RALGAPB: variants seen among roughly 807,000 people sequenced by gnomAD.
The protein encoded by RALGAPB is ral GTPase-activating protein subunit beta.
RALGAPB carries 25 observed loss-of-function variants against 161.1 expected under a neutral mutation model. That is an observed-to-expected ratio of 0.16 (90% CI 0.11 to 0.22). The LOEUF (loss-of-function observed/expected upper bound fraction) is 0.22, where lower values mean the gene tolerates loss of function less well. Among genes scored for constraint, RALGAPB ranks in the 10% least tolerant of loss-of-function variants. The pLI, the probability that RALGAPB is intolerant of heterozygous loss-of-function variation, is 1.00. For synonymous variants in RALGAPB, 629 were observed against 626.1 expected, an observed-to-expected ratio of 1.00 and a Z score of -0.07; for missense variants, 1,391 against 1,815.2, an observed-to-expected ratio of 0.77 and a Z score of 4.25.
chr20:38,479,229 T>G (rs1022678203), intron 1 of RALGAPB, among the ~76,000 whole-genome samples: 2 of 152,250 alleles, frequency 1.3e-5, no homozygotes, highest in Non-Finnish European at 2.9e-5. Flanking sequence ...TAGGACAAAT[T>G]TGACATGTAG....
At chr20:38,530,666 G>A (rs770192625) in intron 13 of RALGAPB, among the ~76,000 whole-genome samples, 15 of 149,044 alleles carry the variant, frequency 1.0e-4, no homozygotes, top group Admixed American at 2.0e-4. Flanking sequence ...GTGCAATTTC[G>A]GCTCACTGCA....
chr20:38,529,493 G>C (rs1193369433), intron 13 of RALGAPB, among the ~76,000 whole-genome samples: 1 of 151,254 alleles, frequency 6.6e-6, no homozygotes, highest in Non-Finnish European at 1.5e-5. Context: ...CTGCAGCCTG[G>C]GCAATAAGAG....
intron 16 of RALGAPB, among the ~76,000 whole-genome samples, chr20:38,536,653 G>A (rs1044913082): frequency 4.6e-5 from 7 of 152,112 alleles, no homozygotes; most frequent in Non-Finnish European, 1.0e-4. Context: ...AGTAAGATGA[G>A]CAGGATTATC....
chr20:38,565,955 A>G (rs2087981498), intron 25 of RALGAPB, among the ~76,000 whole-genome samples: 1 of 152,168 alleles, frequency 6.6e-6, no homozygotes, highest in Non-Finnish European at 1.5e-5. Context: ...AAGACTTTTT[A>G]AGAATTGGGA....
intron 26 of RALGAPB, chr20:38,569,685 G>A: frequency 2.1e-6 from 1 of 477,548 alleles, no homozygotes; most frequent in Non-Finnish European, 3.8e-6. Context: ...ACAATTTTAA[G>A]CCTTGTCCTA....
chr20:38,516,935 A>T (rs1323746267), intron 7 of RALGAPB, among the ~76,000 whole-genome samples: 1 of 152,216 alleles, frequency 6.6e-6, no homozygotes, highest in Admixed American at 6.5e-5. Flanking sequence ...ATACTTATTA[A>T]TGTACAGTTA....
At chr20:38,552,140 A>T (rs1381329411) in intron 21 of RALGAPB, among the ~76,000 whole-genome samples, 1 of 144,862 alleles carries the variant, frequency 6.9e-6, no homozygotes, top group Non-Finnish European at 1.5e-5. Context: ...GAAAAGGCTG[A>T]TTTTTTTTTT....
At chr20:38,543,075 C>G (rs1368665082) in intron 18 of RALGAPB, among the ~76,000 whole-genome samples, 4 of 152,128 alleles carry the variant, frequency 2.6e-5, no homozygotes, top group African/African-American at 7.2e-5. Context: ...TCTTGGGATG[C>G]TTCTTCTCAA....
In RALGAPB at chr20:38,486,684, G is replaced by C. The variant is rs570505305; in HGVS notation, c.-30-1719G>C. On this transcript the variant is annotated intron_variant, in intron 1 of 29. Coordinates refer to ENST00000262879, the MANE Select transcript of RALGAPB (RefSeq NM_020336.4). ...CCAATAATATGCTGTGATGGATCCT[G>C]AATATTAAATATTCATTTAGTATTT... is the stretch of plus-strand genomic sequence containing the variant. Among the ~76,000 whole-genome samples the C allele has an allele frequency of 2.0e-5, 3 of 152,090 alleles. No homozygotes were observed. In the South Asian group the frequency reaches 6.2e-4, roughly 32 times the overall value.
At chr20:38,490,120 C>T (rs1006414003) in intron 2 of RALGAPB, among the ~76,000 whole-genome samples, 1 of 151,918 alleles carries the variant, frequency 6.6e-6, no homozygotes, top group African/African-American at 2.4e-5. Context: ...AGCGATTCTT[C>T]TGCCTCAGCC....
intron 7 of RALGAPB, 63 bp downstream of exon 7, chr20:38,516,433 C>G: frequency 7.3e-7 from 1 of 1,369,420 alleles, no homozygotes; most frequent in South Asian, 1.7e-5. Flanking sequence ...TAGAGGCTAA[C>G]CCTAGGAGTT....
chr20:38,513,484 G>C (rs1158461270), intron 6 of RALGAPB, among the ~76,000 whole-genome samples: 2 of 150,552 alleles, frequency 1.3e-5, no homozygotes, highest in Admixed American at 6.6e-5. Flanking sequence ...TGGGGGGTGG[G>C]GGGGAAGCAA....
chr20:38,572,158 A>T (rs1479143788), intron 28 of RALGAPB, among the ~76,000 whole-genome samples: 2 of 152,198 alleles, frequency 1.3e-5, no homozygotes. Flanking sequence ...AAATATCCTA[A>T]ATCATATGAG....
In RALGAPB at chr20:38,532,794, G is replaced by C; in HGVS notation, c.2180G>C (p.Gly727Ala). The C allele has an allele frequency of 6.2e-7, 1 of 1,614,100 alleles. No homozygotes were observed. The highest frequency in any genetic ancestry group is 8.5e-7 in the Non-Finnish European group (1 of 1,179,944). ...AATAGTGGTATTAGTTCAGCAAGTG[G>C]TGGAAGCACGGAGCCCACGACTCCC... Reference protein sequence around the residue: ...RTNSGISSASGGSTEPTTPDS... With the variant: ...RTNSGISSASAGSTEPTTPDS... The change falls in exon 15 of 30, where the codon GGT becomes GCT. Residue 727 changes from glycine to alanine, a missense_variant. Coordinates refer to ENST00000262879, the MANE Select transcript of RALGAPB (RefSeq NM_020336.4).
At chr20:38,474,375 C>T (rs755243763) in intron 1 of RALGAPB, among the ~76,000 whole-genome samples, 7 of 151,984 alleles carry the variant, frequency 4.6e-5, no homozygotes, top group Non-Finnish European at 1.0e-4. Context: ...CTGCAACTTC[C>T]GCCTCCTGAG....
chr20:38,549,134 T>C (rs1175210583), intron 20 of RALGAPB, among the ~76,000 whole-genome samples: 1 of 152,230 alleles, frequency 6.6e-6, no homozygotes, highest in East Asian at 1.9e-4. Flanking sequence ...GAAAAAAATT[T>C]GGTGGGACTT....
At chr20:38,537,278 T>C (rs554736632) in intron 16 of RALGAPB, among the ~76,000 whole-genome samples, 1 of 152,040 alleles carries the variant, frequency 6.6e-6, no homozygotes, top group Non-Finnish European at 1.5e-5. Context: ...TATAAAACAA[T>C]TGGATAGTCA....
rs558797780 is a variant in RALGAPB at position 38,563,205 on chromosome 20, A to G, written c.3697+508A>G. Among the ~76,000 whole-genome samples the G allele has an allele frequency of 6.6e-5, 10 of 152,388 alleles. No homozygotes were observed. In the East Asian group the frequency reaches 1.9e-3, roughly 29 times the overall value. On this transcript the variant is annotated intron_variant, in intron 24 of 29. Coordinates refer to ENST00000262879, the MANE Select transcript of RALGAPB (RefSeq NM_020336.4). ...ATGTATACACATAATGATAGAGTTAATACAAAATGACTGGCTTATTACAAT... is the reference window on the plus strand; with the variant it reads ...ATGTATACACATAATGATAGAGTTAGTACAAAATGACTGGCTTATTACAAT...
At position 38,493,129 on chromosome 20, in the gene RALGAPB, C is replaced by T; in HGVS notation, c.386C>T (p.Pro129Leu). 2 of 1,593,666 alleles carry T rather than the reference C, an allele frequency of 1.3e-6. No homozygotes were observed. Among genetic ancestry groups the T allele is most frequent in the Admixed American group, 3.3e-5 (2 of 59,972 alleles). Residue 129 changes from proline to leucine, a missense_variant, in exon 3 of 30, where the codon CCA becomes CTA. By Grantham distance (98) the Pro-to-Leu change is moderately conservative. Transcript: ENST00000262879. ...AAACACCTACAGAATCTTTTTGTAC[C>T]AAGGTAAGCTATACCTGTCTATCTG... ...ILKHLQNLFV[P>L]RQEQGSSQIR...
Sources: allele counts gnomAD v4.1 joint callset (sites outside exome capture counted in the v4.1 genomes callset), GRCh38; gene constraint gnomAD v4.1.1; transcripts MANE v1.5; gene names NCBI Gene and HGNC (gene_info 2026-07-23, HGNC 2026-07-21).